ZNF423: variants seen among roughly 807,000 people sequenced by gnomAD.
The protein encoded by ZNF423 is Ebf-associated zinc finger protein.
In ZNF423, 12 loss-of-function variants were observed where a neutral mutation model predicts 95.8. That is an observed-to-expected ratio of 0.13 (90% CI 0.08 to 0.20). The LOEUF (loss-of-function observed/expected upper bound fraction) is 0.20, where lower values mean the gene tolerates loss of function less well. ZNF423 is among the 10% of genes least tolerant of loss of function. ZNF423 has a pLI of 1.00. For synonymous variants in ZNF423, 749 were observed against 711.9 expected, an observed-to-expected ratio of 1.05 and a Z score of -0.83; for missense variants, 1,316 against 1,737.1, an observed-to-expected ratio of 0.76 and a Z score of 4.31.
intron 3 of ZNF423, among the ~76,000 whole-genome samples, chr16:49,697,679 T>C (rs1264256739): frequency 6.6e-6 from 1 of 152,230 alleles, no homozygotes; most frequent in African/African-American, 2.4e-5. Flanking sequence ...CAGGAAGCAG[T>C]ACCCTGGACC....
chr16:49,622,443 G>C (rs930807675), intron 5 of ZNF423, among the ~76,000 whole-genome samples: 81 of 149,970 alleles, frequency 5.4e-4, no homozygotes, highest in South Asian at 4.2e-4. Context: ...CCCCCATCCT[G>C]CTATAGGCAG....
At chr16:49,503,240 C>T (rs972910800) in intron 7 of ZNF423, among the ~76,000 whole-genome samples, 1 of 152,326 alleles carries the variant, frequency 6.6e-6, no homozygotes, top group Non-Finnish European at 1.5e-5. Flanking sequence ...GCAAGGGCCC[C>T]TTGAAGGCCC....
intron 1 of ZNF423, among the ~76,000 whole-genome samples, chr16:49,823,266 T>G (rs1191722380): frequency 1.3e-5 from 2 of 152,270 alleles, no homozygotes; most frequent in Admixed American, 1.3e-4. Context: ...ACGGGGCTTC[T>G]GTTCAGAGCA....
intron 3 of ZNF423, among the ~76,000 whole-genome samples, chr16:49,724,047 C>G (rs1309054493): frequency 6.6e-6 from 1 of 152,226 alleles, no homozygotes; most frequent in Non-Finnish European, 1.5e-5. Flanking sequence ...CTAAACAAAT[C>G]TTACCATTGC....
intron 5 of ZNF423, among the ~76,000 whole-genome samples, chr16:49,605,042 C>G (rs1224321352): frequency 1.3e-5 from 2 of 152,228 alleles, no homozygotes; most frequent in Non-Finnish European, 2.9e-5. Flanking sequence ...ATGCCCATAA[C>G]AGCCCACTCT....
chr16:49,639,003 G>A (rs1596768958), intron 3 of ZNF423, 129 bp from the exon 4 acceptor site: 2 of 1,441,146 alleles, frequency 1.4e-6, no homozygotes, highest in Non-Finnish European at 1.8e-6. Flanking sequence ...GGGGGCTGTG[G>A]GGAGGGGCAG....
rs776853564 is a variant in ZNF423 at position 49,677,753 on chromosome 16, C to CAA, written c.302-38881_302-38880dup. Among the ~76,000 whole-genome samples, 421 of 84,670 alleles carry CAA rather than the reference C, an allele frequency of 5.0e-3. 2 individuals are homozygous for CAA. The highest frequency in any genetic ancestry group is 0.014 in the African/African-American group (386 of 27,594). 55.5% of individuals were successfully genotyped at this position (84,670 alleles called of 152,430 possible). ...TGGATAAAAGAGCAAGACCCTGTCTCAAAAAAAAAAAAAAAAGAGAGAGAG... is the reference window on the plus strand; with the variant it reads ...TGGATAAAAGAGCAAGACCCTGTCTCAAAAAAAAAAAAAAAAAAGAGAGAGAG... On this transcript the variant is annotated intron_variant, in intron 3 of 7. Transcript: ENST00000563137.
chr16:49,734,416 C>G (rs940794512), intron 2 of ZNF423, among the ~76,000 whole-genome samples: 2 of 152,264 alleles, frequency 1.3e-5, no homozygotes, highest in African/African-American at 4.8e-5. Flanking sequence ...TGGGCTAGAA[C>G]TGCAGCTCAC....
chr16:49,617,248 A>G (rs1320169846), intron 5 of ZNF423, among the ~76,000 whole-genome samples: 2 of 152,122 alleles, frequency 1.3e-5, no homozygotes, highest in Non-Finnish European at 2.9e-5. Flanking sequence ...GGCCCCAAGG[A>G]TCCAAGGCCA....
chr16:49,634,254 G>C (rs1972605231), intron 4 of ZNF423, among the ~76,000 whole-genome samples: 1 of 149,888 alleles, frequency 6.7e-6, no homozygotes, highest in Non-Finnish European at 1.5e-5. Flanking sequence ...TGCCACCCAG[G>C]CTGGAATGCA....
At chr16:49,501,377 A>G (rs1384593056) in intron 7 of ZNF423, among the ~76,000 whole-genome samples, 1 of 152,200 alleles carries the variant, frequency 6.6e-6, no homozygotes, top group East Asian at 1.9e-4. Flanking sequence ...GGAAATTTAG[A>G]TTTGTTTAAA....
At chr16:49,605,209 A>G (rs1971500710) in intron 5 of ZNF423, among the ~76,000 whole-genome samples, 1 of 152,144 alleles carries the variant, frequency 6.6e-6, no homozygotes, top group African/African-American at 2.4e-5. Context: ...ACTTCCCTGG[A>G]GATACAAATC....
intron 3 of ZNF423, among the ~76,000 whole-genome samples, chr16:49,674,793 G>C (rs1350905944): frequency 6.6e-6 from 1 of 152,204 alleles, no homozygotes; most frequent in South Asian, 2.1e-4. Flanking sequence ...TCTGCGGTCT[G>C]AGTGAGATTT....
At chr16:49,585,814 C>T (rs528015583) in intron 5 of ZNF423, among the ~76,000 whole-genome samples, 2 of 152,264 alleles carry the variant, frequency 1.3e-5, no homozygotes, top group South Asian at 4.2e-4. Context: ...AGAGGCAAGC[C>T]ATGGAGTCAG....
chr16:49,774,827 A>G (rs1486436949), intron 2 of ZNF423, among the ~76,000 whole-genome samples: 1 of 152,188 alleles, frequency 6.6e-6, no homozygotes, highest in African/African-American at 2.4e-5. Flanking sequence ...CTGTGTTCCA[A>G]GATTCCGGGC....
chr16:49,723,190 C>T (rs1277021102), intron 3 of ZNF423, among the ~76,000 whole-genome samples: 4 of 152,048 alleles, frequency 2.6e-5, no homozygotes, highest in South Asian at 2.1e-4. Context: ...CTCCTGACCT[C>T]GTGATCCGCC....
intron 2 of ZNF423, among the ~76,000 whole-genome samples, chr16:49,741,535 A>G (rs1182771621): frequency 1.3e-5 from 2 of 151,974 alleles, no homozygotes; most frequent in Admixed American, 6.6e-5. Context: ...AGGAGGAGGA[A>G]ATCCACCGTT....
At chr16:49,684,919 C>T (rs536083515) in intron 3 of ZNF423, among the ~76,000 whole-genome samples, 4 of 152,312 alleles carry the variant, frequency 2.6e-5, no homozygotes, top group South Asian at 2.1e-4. Flanking sequence ...CAGATTTCCA[C>T]GCAATCTAGA....
intron 5 of ZNF423, among the ~76,000 whole-genome samples, chr16:49,527,771 C>T (rs1163730306): frequency 6.6e-6 from 1 of 152,120 alleles, no homozygotes; most frequent in Non-Finnish European, 1.5e-5. Context: ...CAGATGGGGG[C>T]GGTGCAGAAG....
Sources: gnomAD v4.1 joint callset for allele counts (sites outside exome capture counted in the v4.1 genomes callset) on GRCh38, gnomAD v4.1.1 for gene constraint, MANE v1.5 for transcripts, NCBI Gene and HGNC (gene_info 2026-07-23, HGNC 2026-07-21) for gene names.